The following PRSS23 variants were observed in gnomAD, a reference collection of about 807,000 sequenced individuals.
PRSS23 encodes the protein serine protease 23, also known as protease, serine 23.
PRSS23 carries 25 observed loss-of-function variants against 34.7 expected under a neutral mutation model. The ratio of observed to expected loss-of-function variants is 0.72; its 90% confidence interval spans 0.53 to 1.01. The LOEUF is 1.01. PRSS23 is among the 50% of genes least tolerant of loss of function. The pLI is 0.00. For missense variants in PRSS23, 445 were observed against 475.6 expected, an observed-to-expected ratio of 0.94 and a Z score of 0.60; for synonymous variants, 176 against 186.6, an observed-to-expected ratio of 0.94 and a Z score of 0.46.
intron 2 of PRSS23, chr11:86,937,300 T>G (rs1949171085): frequency 1.3e-5 from 2 of 152,244 alleles, no homozygotes; most frequent in South Asian, 2.1e-4. Context: ...AATTGTAGAC[T>G]CTCTGCCTTA....
In PRSS23 at chr11:86,823,666, C is replaced by A. The variant is rs143680901; in HGVS notation, c.206+73C>A. 3 of 690,620 alleles carry A rather than the reference C, an allele frequency of 4.3e-6. No homozygotes were observed. The East Asian group carries it at 8.1e-5, about 19-fold the overall frequency. The allele number at this position is 690,620 out of a possible 1,614,324, so 42.8% of individuals were successfully genotyped here. A position where few individuals can be genotyped will look rare whatever the true frequency, so the allele number is the denominator to read the frequency against. On this transcript the variant is annotated intron_variant, in intron 2 of 2. Transcript: ENST00000533902. ...AAATCTTTTCATGTTTCCACATTTT[C>A]TAATGCATTTTAACGGAGCAAAGCA...
chr11:86,924,442 G>C (rs1590929885), intron 2 of PRSS23, among the ~76,000 whole-genome samples: 1 of 152,304 alleles, frequency 6.6e-6, no homozygotes, highest in East Asian at 1.9e-4. Flanking sequence ...TTAAATTTTG[G>C]AGACCTGGGA....
At chr11:86,889,157 CA>C (rs1416451936) in intron 2 of PRSS23, among the ~76,000 whole-genome samples, 3 of 152,194 alleles carry the variant, frequency 2.0e-5, no homozygotes, top group African/African-American at 7.2e-5. Context: ...GTTACTCAAA[CA>C]AACCTGGTAT....
Position 86,808,809 on chromosome 11 carries a change from C to T in PRSS23, c.*14C>T, listed in dbSNP as rs1471924771. 2.5e-6 allele frequency: 4 copies of T among 1,586,912 alleles called. No homozygotes were observed. In the East Asian group the frequency reaches 9.0e-5, roughly 36 times the overall value. ...AGGGAGGGGTGACACAGTGTTCCCTCCTGGCAGCAATTAAGGGTCTTCATG... is the reference window on the plus strand; with the variant it reads ...AGGGAGGGGTGACACAGTGTTCCCTTCTGGCAGCAATTAAGGGTCTTCATG... On this transcript the variant is annotated 3_prime_UTR_variant, in exon 2 of 2. Coordinates refer to ENST00000280258, the MANE Select transcript of PRSS23 (RefSeq NM_007173.6).
intron 2 of PRSS23, among the ~76,000 whole-genome samples, chr11:86,844,402 A>C (rs1948470951): frequency 1.2e-5 from 1 of 84,916 alleles, no homozygotes; most frequent in Non-Finnish European, 2.0e-5. Flanking sequence ...CCTAGAACTT[A>C]AAGTATAATA....
intron 2 of PRSS23, among the ~76,000 whole-genome samples, chr11:86,900,768 A>C (rs1948905989): frequency 8.0e-6 from 1 of 125,586 alleles, no homozygotes; most frequent in Non-Finnish European, 1.6e-5. Flanking sequence ...TTTCAGCATT[A>C]TTATCTCTCT....
At chr11:86,877,965 G>C (rs1010502240) in intron 2 of PRSS23, among the ~76,000 whole-genome samples, 14 of 151,654 alleles carry the variant, frequency 9.2e-5, no homozygotes, top group Admixed American at 7.2e-4. Flanking sequence ...ACAATATTAA[G>C]TTTTAACAAT....
At chr11:86,826,177 C>T (rs1271371087) in intron 2 of PRSS23, among the ~76,000 whole-genome samples, 1 of 151,806 alleles carries the variant, frequency 6.6e-6, no homozygotes, top group Non-Finnish European at 1.5e-5. Flanking sequence ...TTGTAGTTCT[C>T]CTTGAAGAGG....
intron 2 of PRSS23, among the ~76,000 whole-genome samples, chr11:86,862,606 C>G (rs1948623744): frequency 6.6e-6 from 1 of 151,054 alleles, no homozygotes; most frequent in African/African-American, 2.4e-5. Context: ...GGGTGTAAAC[C>G]CTGTAATAGT....
chr11:86,830,217 C>T (rs918709892), intron 2 of PRSS23, among the ~76,000 whole-genome samples: 1 of 152,220 alleles, frequency 6.6e-6, no homozygotes, highest in Admixed American at 6.5e-5. Context: ...CCCCCAGCCT[C>T]ACTGCCACCT....
chr11:86,856,321 C>A (rs1948570715), intron 2 of PRSS23, among the ~76,000 whole-genome samples: 1 of 114,896 alleles, frequency 8.7e-6, no homozygotes, highest in African/African-American at 3.1e-5. Context: ...GTCTCTGGTG[C>A]TTTAAAAAAA....
At chr11:86,950,268 T>C (rs1057409354) in intron 2 of PRSS23, 1 of 152,664 alleles carries the variant, frequency 6.6e-6, no homozygotes, top group Non-Finnish European at 1.5e-5. Context: ...CTGGGGTCCG[T>C]CAGGTAAGTC....
rs573030307 is a variant in PRSS23 at position 86,864,759 on chromosome 11, T to C, written c.206+41166T>C. 2.0e-5 allele frequency among the ~76,000 whole-genome samples: 3 copies of C among 152,374 alleles called. No homozygotes were observed. The East Asian group carries it at 5.8e-4, about 29-fold the overall frequency. ...GGTGTCAGCAGAGCTGTCTTGTTTCTGGAGGCTCTAGGAGAGCACCTTTTC... is the reference window on the plus strand; with the variant it reads ...GGTGTCAGCAGAGCTGTCTTGTTTCCGGAGGCTCTAGGAGAGCACCTTTTC... On this transcript the variant is annotated intron_variant, in intron 2 of 2. Coordinates refer to the PRSS23 transcript ENST00000533902.
intron 1 of PRSS23, chr11:86,821,409 G>C (rs1948250720): frequency 7.0e-7 from 1 of 1,433,948 alleles, no homozygotes. Flanking sequence ...GGAAAACATT[G>C]ATTGCTCTTC....
rs1355162386 is a variant in PRSS23, at chr11:86,810,573, G to A, written c.*1778G>A. On this transcript the variant is annotated 3_prime_UTR_variant, in exon 2 of 2. Transcript: ENST00000280258. ...GTCTCCATTTCTATGTCTGGTATTT[G>A]GGGGTTTTGTTTGTTTTTGCTTTAG... 1.2e-5 allele frequency: 2 copies of A among 166,956 alleles called. No homozygotes were observed. The highest frequency in any genetic ancestry group is 4.8e-5 in the African/African-American group (2 of 41,434). The allele number at this position is 166,956 out of a possible 1,614,324, so 10.3% of individuals were successfully genotyped here. A position where few individuals can be genotyped will look rare whatever the true frequency, so the allele number is the denominator to read the frequency against.
At chr11:86,832,733 C>T (rs945524701) in intron 2 of PRSS23, 43 of 299,564 alleles carry the variant, frequency 1.4e-4, no homozygotes, top group Admixed American at 6.0e-4. Flanking sequence ...GGGAGACCCA[C>T]AGGTGGAGAA....
At chr11:86,895,664 G>A (rs1264587058) in intron 2 of PRSS23, among the ~76,000 whole-genome samples, 1 of 151,828 alleles carries the variant, frequency 6.6e-6, no homozygotes, top group Non-Finnish European at 1.5e-5. Flanking sequence ...ATTTTCTATA[G>A]AGATGGGGTT....
chr11:86,800,731 G>A (rs755014278), intron 1 of PRSS23, 80 bp downstream of exon 1: 7 of 832,296 alleles, frequency 8.4e-6, no homozygotes, highest in Non-Finnish European at 1.0e-5. Flanking sequence ...AAAGGGCCGG[G>A]TATGCGCGGG....
rs73526362 is a variant in PRSS23, at chr11:86,848,088, G to A, written c.206+24495G>A. The stretch of plus-strand genomic sequence containing the variant: ...TTACAAACAGTAGGAGGAGAATTTG[G>A]GCGCATTCACATGCATGCCCCCTTC... On this transcript the variant is annotated intron_variant, in intron 2 of 2. Coordinates refer to the PRSS23 transcript ENST00000533902. 9.3e-4 allele frequency among the ~76,000 whole-genome samples: 141 copies of A among 152,224 alleles called. 1 individual carries two copies. Among genetic ancestry groups the A allele is most frequent in the African/African-American group, 3.2e-3 (133 of 41,536 alleles).
Sources: allele counts gnomAD v4.1 joint callset (sites outside exome capture counted in the v4.1 genomes callset), GRCh38; gene constraint gnomAD v4.1.1; transcripts MANE v1.5; gene names NCBI Gene and HGNC (gene_info 2026-07-23, HGNC 2026-07-21).